Variants in CDKL4 observed in about 807,000 individuals in gnomAD.
CDKL4 encodes cyclin dependent kinase like 4, also known as cyclin-dependent kinase-like 4.
In CDKL4, 44 loss-of-function variants were observed where a neutral mutation model predicts 42.0. The ratio of observed to expected loss-of-function variants is 1.05; its 90% CI spans 0.82 to 1.35. The LOEUF (loss-of-function observed/expected upper bound fraction) is 1.35, where lower values mean the gene tolerates loss of function less well. Among genes scored for constraint, CDKL4 ranks in the 40% most tolerant of loss-of-function variants. The pLI is 0.00. For missense variants in CDKL4, 393 were observed against 369.9 expected, an observed-to-expected ratio of 1.06 and a Z score of -0.51; for synonymous variants, 120 against 121.6, an observed-to-expected ratio of 0.99 and a Z score of 0.09.
chr2:39,195,035 G>T (rs777628049), intron 5 of CDKL4, among the ~76,000 whole-genome samples: 2 of 152,078 alleles, frequency 1.3e-5, no homozygotes, highest in African/African-American at 2.4e-5. Context: ...GACTATTCTA[G>T]GTAGAGCACG....
chr2:39,237,854 G>T (rs988325540), intron 1 of CDKL4, among the ~76,000 whole-genome samples: 2 of 152,104 alleles, frequency 1.3e-5, no homozygotes, highest in African/African-American at 4.8e-5. Flanking sequence ...CACCAAGTTT[G>T]CAGTGAAGTA....
At chr2:39,177,843 C>T (rs1027669502) in intron 9 of CDKL4, among the ~76,000 whole-genome samples, 27 of 147,936 alleles carry the variant, frequency 1.8e-4, no homozygotes, top group Non-Finnish European at 3.6e-4. Context: ...CGCCCGCCAC[C>T]ACACCCGGCT....
At chr2:39,236,174 A>G (rs1381343587) in intron 1 of CDKL4, among the ~76,000 whole-genome samples, 1 of 150,782 alleles carries the variant, frequency 6.6e-6, no homozygotes, top group Non-Finnish European at 1.5e-5. Context: ...AAAAAAAACC[A>G]GAAATGAAAA....
chr2:39,199,629 G>T (rs1676728500), intron 5 of CDKL4, among the ~76,000 whole-genome samples: 2 of 152,140 alleles, frequency 1.3e-5, no homozygotes, highest in African/African-American at 4.8e-5. Flanking sequence ...ATGTCAAAAA[G>T]ATAATCCACC....
At chr2:39,174,435 A>G (rs1290934377), downstream of CDKL4, among the ~76,000 whole-genome samples, 3 of 151,480 alleles carry the variant, frequency 2.0e-5, no homozygotes, top group Non-Finnish European at 1.5e-5. Context: ...ACAAAAAACT[A>G]TTGCTTAGAT....
chr2:39,179,287 G>T (rs1308591975), exon 9 of CDKL4: 1 of 1,608,714 alleles, frequency 6.2e-7, no homozygotes, highest in South Asian at 1.1e-5. Flanking sequence ...TTGGGAACAG[G>T]TTAATCTGTC....
chr2:39,176,004 T>C (rs1456577842), exon 10 of CDKL4: 1 of 470,708 alleles, frequency 2.1e-6, no homozygotes, highest in Non-Finnish European at 4.4e-6. Flanking sequence ...CCTAAATGTT[T>C]GGAAGGTGAT....
At chr2:39,198,228 T>C (rs1287946182) in intron 5 of CDKL4, among the ~76,000 whole-genome samples, 2 of 137,136 alleles carry the variant, frequency 1.5e-5, no homozygotes, top group East Asian at 4.4e-4. Context: ...CAACAGCAGT[T>C]AAAAAAGACA....
At chr2:39,176,537 G>A (rs1257341564) in intron 9 of CDKL4, among the ~76,000 whole-genome samples, 2 of 152,152 alleles carry the variant, frequency 1.3e-5, no homozygotes, top group Non-Finnish European at 2.9e-5. Flanking sequence ...AGATTCAAGC[G>A]ATTCTTGTGC....
chr2:39,213,354 A>C, intron 4 of CDKL4, 46 bp downstream of exon 4: 1 of 1,191,002 alleles, frequency 8.4e-7, no homozygotes, highest in African/African-American at 1.5e-5. Flanking sequence ...AGAAGAAAAG[A>C]GTCATCATGA....
chr2:39,188,171 A>G (rs1253158879), intron 6 of CDKL4, among the ~76,000 whole-genome samples: 3 of 152,190 alleles, frequency 2.0e-5, no homozygotes, highest in Non-Finnish European at 4.4e-5. Context: ...CCCTCCAGAG[A>G]TGAGAGGAAT....
At chr2:39,184,560 C>A (rs1272093760) in intron 8 of CDKL4, 31 bp downstream of exon 8, 2 of 1,524,606 alleles carry the variant, frequency 1.3e-6, no homozygotes, top group African/African-American at 1.4e-5. Context: ...CAATTTATAG[C>A]TAATAAGAGT....
At position 39,185,279 on chromosome 2, in the gene CDKL4, T is replaced by C. The variant is rs183052490; in HGVS notation, c.736-632A>G. ...ATGTATATATACATATATATACACA[T>C]ATGTATATATACATATATATACACA... is the stretch of plus-strand genomic sequence containing the variant. On this transcript the variant is annotated intron_variant, in intron 7 of 9. Transcript: ENST00000451199. Among the ~76,000 whole-genome samples, 29 of 46,330 alleles carry C rather than the reference T, an allele frequency of 6.3e-4. 2 individuals carry two copies. Among genetic ancestry groups the C allele is most frequent in the African/African-American group, 1.5e-3 (25 of 16,814 alleles). 30.4% of individuals were successfully genotyped at this position (46,330 alleles called of 152,430 possible).
downstream of CDKL4, among the ~76,000 whole-genome samples, chr2:39,171,354 T>C (rs1054860861): frequency 6.6e-6 from 1 of 152,218 alleles, no homozygotes; most frequent in African/African-American, 2.4e-5. Flanking sequence ...CTACTTTCTG[T>C]TTCAACTCTT....
rs759417509 is a variant in CDKL4, at chr2:39,179,230, T to G, written c.884A>C (p.Lys295Thr). 17 of 1,613,538 alleles carry G rather than the reference T, an allele frequency of 1.1e-5. No homozygotes were observed. The South Asian group carries it at 1.9e-4, about 18-fold the overall frequency. The change falls in exon 9 of 10, where the codon AAA (lysine) becomes ACA (threonine). Residue 295 changes from lysine to threonine, a missense_variant. Coordinates refer to ENST00000451199, the Ensembl canonical transcript of CDKL4. ...TCTTCCTTCATTACGTGCTTTTCTT[T>G]TAATTTGGGCCTCTTGAAAAGAATC...
At chr2:39,236,154 T>TAA (rs58561018) in intron 1 of CDKL4, among the ~76,000 whole-genome samples, 3 of 87,816 alleles carry the variant, frequency 3.4e-5, no homozygotes, top group Non-Finnish European at 7.8e-5. Context: ...AATTTTAGAG[T>TAA]AAAAAAAAAA....
At chr2:39,197,540 A>G (rs574609346) in intron 5 of CDKL4, among the ~76,000 whole-genome samples, 1 of 152,314 alleles carries the variant, frequency 6.6e-6, no homozygotes, top group Admixed American at 6.5e-5. Context: ...CATAGGCATC[A>G]GGTTATCTAA....
At chr2:39,183,172 T>G (rs765535465) in intron 8 of CDKL4, among the ~76,000 whole-genome samples, 1 of 151,816 alleles carries the variant, frequency 6.6e-6, no homozygotes, top group Non-Finnish European at 1.5e-5. Context: ...CCCAGTTACT[T>G]GGGAGGCTGA....
chr2:39,194,549 T>C (rs1676396491), intron 5 of CDKL4, among the ~76,000 whole-genome samples: 1 of 152,164 alleles, frequency 6.6e-6, no homozygotes, highest in Non-Finnish European at 1.5e-5. Context: ...TTAATGTGCA[T>C]TTATTTGATA....
Sources: allele counts gnomAD v4.1 joint callset (sites outside exome capture counted in the v4.1 genomes callset), GRCh38; gene constraint gnomAD v4.1.1; transcripts MANE v1.5; gene names NCBI Gene and HGNC (gene_info 2026-07-23, HGNC 2026-07-21).